PHRF1: variants seen among roughly 807,000 people sequenced by gnomAD.
PHRF1 encodes PHD and RING finger domain-containing protein 1.
In PHRF1, 53 loss-of-function variants were observed where a neutral mutation model predicts 128.9. The observed-to-expected ratio is 0.41, with a 90% confidence interval of 0.33 to 0.52. The LOEUF (loss-of-function observed/expected upper bound fraction) is 0.52, where lower values mean the gene tolerates loss of function less well. Among genes scored for constraint, PHRF1 ranks in the 20% least tolerant of loss-of-function variants. The pLI, the probability that PHRF1 is intolerant of heterozygous loss-of-function variation, is 0.21. For synonymous variants in PHRF1, 1,178 were observed against 980.6 expected, an observed-to-expected ratio of 1.20 and a Z score of -3.76; for missense variants, 2,503 against 2,284.5, an observed-to-expected ratio of 1.10 and a Z score of -1.95.
intron 9 of PHRF1, among the ~76,000 whole-genome samples, chr11:599,967 C>A (rs1855533411): frequency 6.6e-6 from 1 of 152,190 alleles, no homozygotes; most frequent in Admixed American, 6.5e-5. Context: ...GAATATACCA[C>A]AGTTTGTCCT....
intron 10 of PHRF1, among the ~76,000 whole-genome samples, chr11:603,729 GTTTTTTTTTTTT>G (rs71022937): frequency 2.6e-5 from 2 of 78,228 alleles, no homozygotes; most frequent in East Asian, 4.0e-4. Flanking sequence ...ATTTAAGTTT[GTTTTTTTTTTTT>G]TTTTTTTTTT....
intron 6 of PHRF1, among the ~76,000 whole-genome samples, chr11:595,964 C>G (rs1367927893): frequency 6.6e-6 from 1 of 152,204 alleles, no homozygotes; most frequent in African/African-American, 2.4e-5. Flanking sequence ...GCATGCCTGT[C>G]TCCTGTCTTT....
At chr11:585,579 C>CTTCAACT (rs1564841168) in intron 3 of PHRF1, among the ~76,000 whole-genome samples, 3 of 27,294 alleles carry the variant, frequency 1.1e-4, no homozygotes, top group African/African-American at 3.5e-4. Context: ...AGGTAGTAGC[C>CTTCAACT]CTTTCCAGCT....
chr11:589,314 C>T (rs768527812), intron 4 of PHRF1, among the ~76,000 whole-genome samples: 3 of 152,212 alleles, frequency 2.0e-5, no homozygotes, highest in Non-Finnish European at 2.9e-5. Context: ...CCTTCCCTTT[C>T]GAGACATCTT....
intron 6 of PHRF1, among the ~76,000 whole-genome samples, chr11:595,081 A>G (rs1855202990): frequency 1.3e-5 from 2 of 152,178 alleles, no homozygotes; most frequent in Non-Finnish European, 2.9e-5. Context: ...ATGGAATCAC[A>G]GTAGGCCGAG....
At chr11:578,909 G>A (rs1189253755) in intron 1 of PHRF1, among the ~76,000 whole-genome samples, 1 of 152,012 alleles carries the variant, frequency 6.6e-6, no homozygotes. Flanking sequence ...GCATGTAGTG[G>A]CGCGATCTCA....
At chr11:581,691 A>G (rs1263167706) in intron 2 of PHRF1, 85 bp downstream of exon 2, 3 of 1,273,044 alleles carry the variant, frequency 2.4e-6, no homozygotes, top group Non-Finnish European at 3.2e-6. Context: ...TGTGTGTGTC[A>G]CTTGTCAACT....
chr11:605,435 A>T, intron 11 of PHRF1, 135 bp downstream of exon 11: 1 of 1,474,334 alleles, frequency 6.8e-7, no homozygotes, highest in South Asian at 1.3e-5. Flanking sequence ...TCCCACCGCC[A>T]TACGGTGCAG....
Position 596,987 on chromosome 11 carries a change from G to C in PHRF1, c.685G>C (p.Glu229Gln), listed in dbSNP as rs760484679. 5 of 1,613,724 alleles carry C rather than the reference G, an allele frequency of 3.1e-6. No homozygotes were observed. The African/African-American group carries it at 6.7e-5, about 22-fold the overall frequency. Residue 229 changes from glutamate to glutamine, a missense_variant, in exon 7 of 18, where the codon GAA (glutamate) becomes CAA (glutamine). Coordinates refer to ENST00000264555, the MANE Select transcript of PHRF1 (RefSeq NM_001286581.2). ...GCCGGTGGACGAGTGGTTCTGCCCGGAATGTGCTGCGCCTGGTGTTGTCCT... is the reference window on the plus strand; with the variant it reads ...GCCGGTGGACGAGTGGTTCTGCCCGCAATGTGCTGCGCCTGGTGTTGTCCT... ...EVPVDEWFCP[E>Q]CAAPGVVLAA...
In PHRF1 at chr11:607,736, C is replaced by G. The variant is rs1409317552; in HGVS notation, c.2280C>G (p.Ala760=). The G allele has an allele frequency of 1.2e-6, 2 of 1,611,886 alleles. No homozygotes were observed. Among genetic ancestry groups the G allele is most frequent in the Admixed American group, 1.7e-5 (1 of 59,972 alleles). ...PPAPSSHGSL[A]PLGPSRGKGV... Reference sequence around the variant, plus strand: ...CCCCCAGCTCCCATGGCAGTTTGGCCCCACTGGGACCATCAAGAGGGAAAG... The same window carrying G: ...CCCCCAGCTCCCATGGCAGTTTGGCGCCACTGGGACCATCAAGAGGGAAAG... The change falls in exon 14 of 18, where the codon GCC becomes GCG. Residue 760 remains alanine, a synonymous_variant. Transcript: ENST00000264555.
At chr11:602,524 G>A (rs1441150894) in intron 10 of PHRF1, among the ~76,000 whole-genome samples, 2 of 151,852 alleles carry the variant, frequency 1.3e-5, no homozygotes, top group Non-Finnish European at 2.9e-5. Flanking sequence ...CTACTAAAAA[G>A]ACTAAAAATT....
Position 589,114 on chromosome 11 carries a change from G to A in PHRF1, c.420+1650G>A, listed in dbSNP as rs185916718. 8.0e-4 allele frequency among the ~76,000 whole-genome samples: 121 copies of A among 150,788 alleles called. 1 individual carries two copies. Among genetic ancestry groups the A allele is most frequent in the Non-Finnish European group, 1.3e-3 (86 of 67,828 alleles). ...TTGCACCACTGCACTCCAGCCCGGC[G>A]ACAGAGCAAGACACTGTCTCAAAAA... is the stretch of plus-strand genomic sequence containing the variant. On this transcript the variant is annotated intron_variant, in intron 4 of 17. Transcript: ENST00000264555.
intron 3 of PHRF1, among the ~76,000 whole-genome samples, chr11:586,976 C>T (rs1854605106): frequency 6.6e-6 from 1 of 152,226 alleles, no homozygotes; most frequent in African/African-American, 2.4e-5. Flanking sequence ...AGGTCTGCCT[C>T]AGCCCCAGGC....
chr11:591,143 C>A (rs1854947318), intron 4 of PHRF1, among the ~76,000 whole-genome samples: 2 of 152,190 alleles, frequency 1.3e-5, no homozygotes, highest in Non-Finnish European at 2.9e-5. Flanking sequence ...CTTTATTGTT[C>A]TTACTTGTCA....
At chr11:585,272 G>A (rs56137650) in intron 3 of PHRF1, among the ~76,000 whole-genome samples, 1 of 141,702 alleles carries the variant, frequency 7.1e-6, no homozygotes, top group Non-Finnish European at 1.5e-5. Flanking sequence ...CCAGCTTGAG[G>A]TAGTAGCCCT....
intron 9 of PHRF1, among the ~76,000 whole-genome samples, chr11:599,864 T>C (rs1303629202): frequency 1.3e-5 from 2 of 152,114 alleles, no homozygotes; most frequent in Admixed American, 1.3e-4. Context: ...GGGGCCCAAC[T>C]TGCTCCTTTT....
intron 1 of PHRF1, among the ~76,000 whole-genome samples, chr11:578,025 C>G (rs1853990277): frequency 6.6e-6 from 1 of 152,240 alleles, no homozygotes; most frequent in Non-Finnish European, 1.5e-5. Flanking sequence ...GGGCTGTGGT[C>G]TTTTCTGCAG....
At chr11:587,055 G>A (rs1854609406) in intron 3 of PHRF1, among the ~76,000 whole-genome samples, 1 of 152,206 alleles carries the variant, frequency 6.6e-6, no homozygotes, top group Admixed American at 6.5e-5. Flanking sequence ...GGGCACCCGA[G>A]GCTTCAGGTT....
intron 3 of PHRF1, among the ~76,000 whole-genome samples, chr11:582,535 T>C (rs1164550208): frequency 6.6e-6 from 1 of 152,010 alleles, no homozygotes; most frequent in African/African-American, 2.4e-5. Flanking sequence ...CTCCTTTTTT[T>C]TCTTTTTTGA....
Sources: gnomAD v4.1 joint callset for allele counts (sites outside exome capture counted in the v4.1 genomes callset) on GRCh38, gnomAD v4.1.1 for gene constraint, MANE v1.5 for transcripts, NCBI Gene and HGNC (gene_info 2026-07-23, HGNC 2026-07-21) for gene names.